ROS1: variants seen among roughly 807,000 people sequenced by gnomAD.
ROS1 encodes ROS proto-oncogene 1, receptor tyrosine kinase, also known as proto-oncogene tyrosine-protein kinase ROS.
Under a neutral mutation model 273.5 loss-of-function variants are expected in ROS1, and 263 were observed. The observed-to-expected ratio is 0.96, with a 90% CI of 0.87 to 1.06. The LOEUF is 1.06. Ranked by LOEUF, ROS1 falls within the 50% of genes least tolerant of loss-of-function variation. ROS1 has a pLI of 0.00. For missense variants in ROS1, 2,833 were observed against 2,751.1 expected (o/e 1.03, Z -0.67); for synonymous variants, 1,008 against 954.1 (o/e 1.06, Z -1.04).
chr6:117,334,514 T>C (rs1046399973), intron 32 of ROS1, among the ~76,000 whole-genome samples: 8 of 152,046 alleles, frequency 5.3e-5, no homozygotes, highest in Non-Finnish European at 1.0e-4. Flanking sequence ...TCACATAGAA[T>C]CAAAGAAGAC....
chr6:117,403,205 T>A lies in ROS1; in HGVS notation c.538A>T (p.Ile180Phe). The A allele has an allele frequency of 6.2e-7, 1 of 1,612,188 alleles. No individual in the cohort carries two copies. Among genetic ancestry groups the A allele is most frequent in the Non-Finnish European group, 8.5e-7 (1 of 1,179,628 alleles). The change falls in exon 7 of 44, where the codon ATC (isoleucine) becomes TTC (phenylalanine). Residue 180 changes from isoleucine (I) to phenylalanine (F), a missense_variant. Physicochemically the swap from Ile to Phe is conservative, Grantham distance 21. Transcript: ENST00000368507. ...FTEYIFRVVW[I>F]FTAQLQLYSP... Reference sequence around the variant, plus strand: ...TAGAGCTGCAGCTGCGCTGTGAAGATCCAAACCACTCGGAAAATGTACTCA... The same window carrying A: ...TAGAGCTGCAGCTGCGCTGTGAAGAACCAAACCACTCGGAAAATGTACTCA...
Position 117,393,099 on chromosome 6 carries a change from T to G in ROS1, c.1289+125A>C, listed in dbSNP as rs1773196197. The G allele has an allele frequency of 7.1e-6, 5 of 705,714 alleles. No homozygotes were observed. In the East Asian group the frequency reaches 1.3e-4, roughly 18 times the overall value. The allele number at this position is 705,714 out of a possible 1,614,324, so 43.7% of individuals were successfully genotyped here. ...AAAACTTTGCCTGAATTTAATTAAA[T>G]TCACCTAAAGTAAGATGCATAGATA... is the stretch of plus-strand genomic sequence containing the variant. On this transcript the variant is annotated intron_variant, in intron 12 of 43. Transcript: ENST00000368507.
chr6:117,318,989 A>G (rs750558336), intron 37 of ROS1, among the ~76,000 whole-genome samples: 1 of 152,182 alleles, frequency 6.6e-6, no homozygotes, highest in Non-Finnish European at 1.5e-5. Flanking sequence ...TTTGTTTAAA[A>G]CAGTCAAGGT....
chr6:117,413,090 A>G (rs1176735351), intron 4 of ROS1, among the ~76,000 whole-genome samples: 20 of 152,148 alleles, frequency 1.3e-4, no homozygotes, highest in Non-Finnish European at 1.5e-5. Context: ...TGCAATTTTT[A>G]TAACCAACCA....
Position 117,389,414 on chromosome 6 carries a change from C to G in ROS1, c.1722G>C (p.Ser574=), listed in dbSNP as rs138192393. The G allele has an allele frequency of 2.6e-5, 42 of 1,614,116 alleles. No homozygotes were observed. Among genetic ancestry groups the G allele is most frequent in the Non-Finnish European group, 3.5e-5 (41 of 1,180,024 alleles). The stretch of plus-strand genomic sequence containing the variant: ...GAGCCTGGTGAGAGCCAAACAGCAC[C>G]GAAAGCTCCTGCGGGCGGCCTGGCA... ...HPLPGRPQEL[S]VLFGSHQALV... Residue 574 remains serine (S), a synonymous_variant, in exon 13 of 44, where the codon TCG becomes TCC. Coordinates refer to ENST00000368507, the MANE Select transcript of ROS1 (RefSeq NM_001378902.1).
intron 11 of ROS1, among the ~76,000 whole-genome samples, chr6:117,393,755 C>T (rs896342655): frequency 1.1e-4 from 16 of 152,076 alleles, no homozygotes; most frequent in Admixed American, 8.5e-4. Flanking sequence ...AATGGTCTTC[C>T]GAAAAGTACA....
In ROS1 at chr6:117,393,268, G is replaced by A. The variant is rs772029560; in HGVS notation, c.1245C>T (p.Pro415=). ...CAATTTTTTGAGGTGCACTAATAGA[G>A]GGTGGAGTAATTTCCTCGATGTTTG... is the stretch of plus-strand genomic sequence containing the variant. The part of the protein sequence containing the change: ...NCSNIEEITP[P]SISAPQKIVA... The change falls in exon 12 of 44, where the codon CCC becomes CCT. Residue 415 remains proline, a synonymous_variant. Transcript: ENST00000368507. 3.1e-6 allele frequency: 5 copies of A among 1,612,646 alleles called. No homozygotes were observed. The Admixed American group carries it at 6.7e-5, about 22-fold the overall frequency.
chr6:117,409,726 A>C, intron 4 of ROS1, 84 bp from the exon 5 acceptor site: 2 of 979,172 alleles, frequency 2.0e-6, no homozygotes, highest in Non-Finnish European at 1.6e-6. Flanking sequence ...TAAAATCCGA[A>C]TGCCTAATAT....
chr6:117,329,079 CA>C (rs1302937946), intron 33 of ROS1, among the ~76,000 whole-genome samples: 1 of 152,164 alleles, frequency 6.6e-6, no homozygotes, highest in Non-Finnish European at 1.5e-5. Context: ...AGCCTATGAT[CA>C]AACAATTTCC....
At chr6:117,311,245 T>A in intron 39 of ROS1, 128 bp from the exon 40 acceptor site, 1 of 472,784 alleles carries the variant, frequency 2.1e-6, no homozygotes, top group East Asian at 3.4e-5. Flanking sequence ...TTAAAGGGAT[T>A]TTTAGTTATG....
intron 28 of ROS1, among the ~76,000 whole-genome samples, chr6:117,343,692 C>T (rs1474113470): frequency 6.6e-6 from 1 of 152,110 alleles, no homozygotes; most frequent in Non-Finnish European, 1.5e-5. Flanking sequence ...ATGTTCTTTC[C>T]GTCCAGTTCA....
In ROS1 at chr6:117,317,175, G is replaced by C. The variant is rs755420040; in HGVS notation, c.6085C>G (p.Leu2029Val). ...ATCCGGGCTTTACGCAAATAAGTAA[G>C]AAGGTCTCCTCCCTCCATCAGTTCC... Reference protein sequence around the residue: ...ILELMEGGDLLTYLRKARMAT... With the variant: ...ILELMEGGDLVTYLRKARMAT... Residue 2029 changes from leucine (L) to valine (V), a missense_variant, in exon 39 of 44, where the codon CTT becomes GTT. Transcript: ENST00000368507. 3.1e-6 allele frequency: 5 copies of C among 1,613,140 alleles called. No homozygotes were observed. In the Admixed American group the frequency reaches 8.4e-5, roughly 27 times the overall value.
chr6:117,389,955 ATG>A, intron 12 of ROS1, 109 bp from the exon 13 acceptor site: 1 of 976,934 alleles, frequency 1.0e-6, no homozygotes, highest in Non-Finnish European at 1.5e-6. Context: ...TGTATCTCTG[ATG>A]TTGCTAAGTA....
chr6:117,416,568 T>C (rs144216453), intron 2 of ROS1, among the ~76,000 whole-genome samples: 40 of 152,232 alleles, frequency 2.6e-4, no homozygotes, highest in Admixed American at 5.2e-4. Flanking sequence ...AAGCCTGGCA[T>C]GTGCAGGCCT....
chr6:117,389,827 T>A lies in ROS1; in HGVS notation c.1309A>T (p.Arg437Ter). Residue 437 changes from arginine to a stop codon, truncating the protein, a stop_gained, in exon 13 of 44, where the codon AGA (arginine) becomes TGA (stop). Coordinates refer to ENST00000368507, the MANE Select transcript of ROS1 (RefSeq NM_001378902.1). LOFTEE classifies it high-confidence loss of function. ...AGGTCTGCTCTATAAATGCCATCTC[T>A]CAGGAGGTAAAAGACATACCTGACA... ...SYNGYVFYLLRDGIYRADLPV... is the reference protein window; with the variant it reads ...SYNGYVFYLL The A allele has an allele frequency of 1.9e-6, 3 of 1,608,272 alleles. No individual in the cohort carries two copies. In the South Asian group the frequency reaches 3.3e-5, roughly 18 times the overall value.
chr6:117,329,385 C>G lies in ROS1; in HGVS notation c.5292G>C (p.Gln1764His), dbSNP rs2128593370. Residue 1764 changes from glutamine (Q) to histidine (H), a missense_variant, in exon 33 of 44, where the codon CAG becomes CAC. Physicochemically the swap from Gln to His is conservative, Grantham distance 24. Transcript: ENST00000368507. ...KLLEGSKNSIQWEKAEDNGCR... is the reference protein window; with the variant it reads ...KLLEGSKNSIHWEKAEDNGCR... ...ATCCATTATCTTCAGCTTTCTCCCA[C>G]TGTATTGAATTTTTACTCCCTTCTA... 1 of 1,603,724 alleles carries G rather than the reference C, an allele frequency of 6.2e-7. No homozygotes were observed. Among genetic ancestry groups the G allele is most frequent in the Non-Finnish European group, 8.5e-7 (1 of 1,170,968 alleles).
intron 18 of ROS1, among the ~76,000 whole-genome samples, chr6:117,376,840 C>T (rs926700140): frequency 6.6e-6 from 1 of 152,036 alleles, no homozygotes; most frequent in Non-Finnish European, 1.5e-5. Flanking sequence ...TCTTCCTAAA[C>T]TGAAAAGAGA....
At chr6:117,366,404 T>A in intron 18 of ROS1, 114 bp from the exon 19 acceptor site, 1 of 677,044 alleles carries the variant, frequency 1.5e-6, no homozygotes, top group Non-Finnish European at 2.6e-6. Flanking sequence ...TTGTGTACAT[T>A]AAAATAAAGA....
At chr6:117,378,386 T>C (rs932032084) in intron 18 of ROS1, among the ~76,000 whole-genome samples, 2 of 152,176 alleles carry the variant, frequency 1.3e-5, no homozygotes, top group African/African-American at 4.8e-5. Context: ...AAAGATTGTA[T>C]GCCAAGTAAA....
Sources: gnomAD v4.1 joint callset for allele counts (sites outside exome capture counted in the v4.1 genomes callset) on GRCh38, gnomAD v4.1.1 for gene constraint, MANE v1.5 for transcripts, NCBI Gene and HGNC (gene_info 2026-07-23, HGNC 2026-07-21) for gene names.